NALF1: variants seen among roughly 807,000 people sequenced by gnomAD.
NALF1 encodes NALCN channel auxiliary factor 1.
NALF1 carries 3 observed loss-of-function variants against 48.4 expected under a neutral mutation model. The observed-to-expected ratio is 0.06, with a 90% CI of 0.03 to 0.16. NALF1 has a LOEUF of 0.16. Among genes scored for constraint, NALF1 ranks in the 10% least tolerant of loss-of-function variants. NALF1 has a pLI of 1.00. For synonymous variants in NALF1, 262 were observed against 245.7 expected (o/e 1.07, Z -0.62); for missense variants, 526 against 571.5 (o/e 0.92, Z 0.81).
chr13:107,760,510 A>T (rs1441048159), intron 1 of NALF1, among the ~76,000 whole-genome samples: 2 of 152,204 alleles, frequency 1.3e-5, no homozygotes, highest in Admixed American at 1.3e-4. Context: ...ATATTTTCAC[A>T]GAACAAGTAA....
chr13:107,538,951 C>A (rs1876920702), intron 1 of NALF1, among the ~76,000 whole-genome samples: 1 of 151,882 alleles, frequency 6.6e-6, no homozygotes, highest in African/African-American at 2.4e-5. Flanking sequence ...TTATGATCAT[C>A]CATCCATCCA....
intron 1 of NALF1, among the ~76,000 whole-genome samples, chr13:107,406,326 T>C (rs1326051430): frequency 1.3e-5 from 2 of 152,038 alleles, no homozygotes; most frequent in Non-Finnish European, 2.9e-5. Context: ...CAATGATCTG[T>C]TGCCATATAG....
At chr13:107,784,379 G>A (rs1878011332) in intron 1 of NALF1, among the ~76,000 whole-genome samples, 1 of 152,070 alleles carries the variant, frequency 6.6e-6, no homozygotes, top group Non-Finnish European at 1.5e-5. Flanking sequence ...GTTCCTAGTT[G>A]TCAGTTCATA....
intron 1 of NALF1, among the ~76,000 whole-genome samples, chr13:107,728,505 G>C (rs1423114252): frequency 1.3e-5 from 2 of 151,904 alleles, no homozygotes; most frequent in Non-Finnish European, 2.9e-5. Flanking sequence ...ACACAGGGAG[G>C]GGAACACCAC....
intron 2 of NALF1, among the ~76,000 whole-genome samples, chr13:107,200,466 C>T (rs928523305): frequency 6.6e-6 from 1 of 152,080 alleles, no homozygotes; most frequent in Non-Finnish European, 1.5e-5. Context: ...TGATCTGTGC[C>T]AAAAATGGGT....
intron 1 of NALF1, among the ~76,000 whole-genome samples, chr13:107,240,212 T>C (rs1880438623): frequency 6.6e-6 from 1 of 152,206 alleles, no homozygotes; most frequent in African/African-American, 2.4e-5. Flanking sequence ...AATTCTCCCA[T>C]ATGAGGACAC....
chr13:107,332,403 A>C (rs922640078), intron 1 of NALF1, among the ~76,000 whole-genome samples: 1 of 152,194 alleles, frequency 6.6e-6, no homozygotes, highest in Non-Finnish European at 1.5e-5. Context: ...GAAAAATACA[A>C]CTAGAGGGTG....
intron 1 of NALF1, among the ~76,000 whole-genome samples, chr13:107,403,410 G>A (rs1883846678): frequency 6.6e-6 from 1 of 151,362 alleles, no homozygotes; most frequent in Admixed American, 6.6e-5. Flanking sequence ...CACTAATTAT[G>A]GAGCTATTCT....
chr13:107,501,523 G>A (rs913038968), intron 1 of NALF1, among the ~76,000 whole-genome samples: 2 of 152,242 alleles, frequency 1.3e-5, no homozygotes, highest in East Asian at 3.9e-4. Context: ...GAGAAGATCT[G>A]CTTTCACAGT....
chr13:107,211,268 G>C (rs927667), intron 1 of NALF1, among the ~76,000 whole-genome samples: 124,292 of 152,094 alleles, frequency 0.82, 50,855 homozygotes, highest in African/African-American at 0.83. Context: ...TTGAGAGGCA[G>C]AGAACAGGCA....
chr13:107,454,697 C>G (rs1316085801), intron 1 of NALF1, among the ~76,000 whole-genome samples: 2 of 152,140 alleles, frequency 1.3e-5, no homozygotes, highest in Admixed American at 1.3e-4. Context: ...TTTCACACTT[C>G]TCTTGAAAAC....
At chr13:107,645,140 T>G (rs1172437147) in intron 1 of NALF1, among the ~76,000 whole-genome samples, 2 of 152,136 alleles carry the variant, frequency 1.3e-5, no homozygotes, top group Non-Finnish European at 2.9e-5. Flanking sequence ...AGGAGTCAAG[T>G]TGCTGAGTCT....
At chr13:107,231,704 T>C (rs1189254525) in intron 1 of NALF1, among the ~76,000 whole-genome samples, 2 of 152,238 alleles carry the variant, frequency 1.3e-5, no homozygotes, top group African/African-American at 4.8e-5. Flanking sequence ...GAACTATTAA[T>C]TGTTTTGTGA....
intron 1 of NALF1, among the ~76,000 whole-genome samples, chr13:107,649,181 T>C (rs942835580): frequency 1.3e-5 from 2 of 152,220 alleles, no homozygotes; most frequent in Non-Finnish European, 2.9e-5. Flanking sequence ...ATAAATAGTA[T>C]ACCACCAGTT....
chr13:107,746,203 A>G (rs1178748065), intron 1 of NALF1, among the ~76,000 whole-genome samples: 1 of 152,182 alleles, frequency 6.6e-6, no homozygotes, highest in African/African-American at 2.4e-5. Context: ...CCTTGTGAAG[A>G]AGGACACGTT....
intron 1 of NALF1, among the ~76,000 whole-genome samples, chr13:107,767,710 G>A (rs1167695784): frequency 6.6e-6 from 1 of 152,106 alleles, no homozygotes; most frequent in Non-Finnish European, 1.5e-5. Flanking sequence ...GAAACTCTGG[G>A]AAAATTATCA....
At chr13:107,657,874 T>C (rs1880625852) in intron 1 of NALF1, among the ~76,000 whole-genome samples, 1 of 152,218 alleles carries the variant, frequency 6.6e-6, no homozygotes, top group South Asian at 2.1e-4. Context: ...TAGACCTGCA[T>C]GAATGTCATG....
intron 1 of NALF1, among the ~76,000 whole-genome samples, chr13:107,858,905 G>T (rs1274445627): frequency 2.0e-5 from 3 of 152,164 alleles, no homozygotes; most frequent in Non-Finnish European, 4.4e-5. Context: ...GGTGATTTAA[G>T]TCATTTTCTG....
chr13:107,610,273 C>T (rs527288348), intron 1 of NALF1, among the ~76,000 whole-genome samples: 2 of 152,160 alleles, frequency 1.3e-5, no homozygotes, highest in South Asian at 2.1e-4. Flanking sequence ...ATACACTAGA[C>T]AATCACTCAC....
Sources: gnomAD v4.1 joint callset for allele counts (sites outside exome capture counted in the v4.1 genomes callset) on GRCh38, gnomAD v4.1.1 for gene constraint, MANE v1.5 for transcripts, NCBI Gene and HGNC (gene_info 2026-07-23, HGNC 2026-07-21) for gene names.